SLC1A2: variants seen among roughly 807,000 people sequenced by gnomAD.
SLC1A2 encodes the protein excitatory amino acid transporter 2.
In SLC1A2, 15 loss-of-function variants were observed where a neutral mutation model predicts 48.8. The observed-to-expected ratio is 0.31, with a 90% confidence interval of 0.21 to 0.47. The LOEUF is 0.47. Ranked by LOEUF, SLC1A2 falls within the 20% of genes least tolerant of loss-of-function variation. The pLI is 0.99. For synonymous variants in SLC1A2, 279 were observed against 272.6 expected, an observed-to-expected ratio of 1.02 and a Z score of -0.23; for missense variants, 502 against 730.5, an observed-to-expected ratio of 0.69 and a Z score of 3.61.
intron 1 of SLC1A2, among the ~76,000 whole-genome samples, chr11:35,358,634 CTTTAT>C (rs1853566287): frequency 1.3e-5 from 2 of 152,230 alleles, no homozygotes; most frequent in South Asian, 2.1e-4. Flanking sequence ...CATTTGACTT[CTTTAT>C]TTTATTTTTT....
At chr11:35,401,364 C>T (rs531304962) in intron 1 of SLC1A2, among the ~76,000 whole-genome samples, 1 of 152,152 alleles carries the variant, frequency 6.6e-6, no homozygotes, top group Non-Finnish European at 1.5e-5. Flanking sequence ...GAGGGTAAAA[C>T]ACTTTGATTT....
intron 1 of SLC1A2, among the ~76,000 whole-genome samples, chr11:35,320,883 C>A (rs1852038149): frequency 6.6e-6 from 1 of 152,170 alleles, no homozygotes; most frequent in South Asian, 2.1e-4. Flanking sequence ...AGAACAAATG[C>A]ATGGATAAAT....
At chr11:35,270,102 G>C (rs1361525922) in intron 9 of SLC1A2, among the ~76,000 whole-genome samples, 1 of 152,168 alleles carries the variant, frequency 6.6e-6, no homozygotes, top group East Asian at 1.9e-4. Flanking sequence ...GCAAGACTCT[G>C]TCTCAAAAAT....
chr11:35,278,339 G>C (rs528545881), intron 9 of SLC1A2, among the ~76,000 whole-genome samples: 4 of 141,004 alleles, frequency 2.8e-5, no homozygotes, highest in Non-Finnish European at 4.5e-5. Flanking sequence ...GCAATGGCAC[G>C]ATCTCAGCTC....
chr11:35,317,231 C>T (rs1051414221), intron 2 of SLC1A2, 146 bp downstream of exon 2: 13 of 713,694 alleles, frequency 1.8e-5, no homozygotes, highest in African/African-American at 1.4e-4. Context: ...AAAATTATAT[C>T]ACTGAAGCCT....
intron 8 of SLC1A2, among the ~76,000 whole-genome samples, chr11:35,284,110 T>TATATATATATATAA (rs539270363): frequency 5.7e-5 from 8 of 141,196 alleles, no homozygotes; most frequent in African/African-American, 2.2e-4. Context: ...TATATATATA[T>TATATATATATATAA]AAATTATTAT....
intron 5 of SLC1A2, among the ~76,000 whole-genome samples, chr11:35,305,870 C>T (rs1439570036): frequency 1.3e-5 from 2 of 152,156 alleles, no homozygotes; most frequent in African/African-American, 2.4e-5. Flanking sequence ...TTCTTGCTGC[C>T]CTGTCCCCTT....
chr11:35,350,865 A>G (rs2135081933), intron 1 of SLC1A2, among the ~76,000 whole-genome samples: 1 of 152,314 alleles, frequency 6.6e-6, no homozygotes, highest in Admixed American at 6.5e-5. Context: ...AAATGGAAGG[A>G]GCCTTAAGAT....
At chr11:35,329,356 T>C (rs1421058909) in intron 1 of SLC1A2, among the ~76,000 whole-genome samples, 2 of 152,188 alleles carry the variant, frequency 1.3e-5, no homozygotes, top group Non-Finnish European at 2.9e-5. Flanking sequence ...TAATGTAAAC[T>C]AAGCACTCTG....
intron 1 of SLC1A2, among the ~76,000 whole-genome samples, chr11:35,396,577 G>C (rs1315493580): frequency 4.0e-5 from 6 of 151,364 alleles, no homozygotes; most frequent in Non-Finnish European, 5.9e-5. Flanking sequence ...CTGGATATTA[G>C]CCCTTTGTCA....
chr11:35,375,473 G>A (rs1037336562), intron 1 of SLC1A2, among the ~76,000 whole-genome samples: 7 of 152,230 alleles, frequency 4.6e-5, no homozygotes, highest in Admixed American at 1.3e-4. Flanking sequence ...GGCCATTTCT[G>A]AGTAGATCTC....
rs375313308 is a variant in SLC1A2 at position 35,400,491 on chromosome 11, CT to C, written c.17+18458del. On this transcript the variant is annotated intron_variant, in intron 1 of 10. Coordinates refer to ENST00000278379, the MANE Select transcript of SLC1A2 (RefSeq NM_004171.4). Reference sequence around the variant, plus strand: ...ATACCAATGTTAAAGGCATTTATTCCTGGTTAGTGAGATAAGTATTGTGGAG... The same window carrying C: ...ATACCAATGTTAAAGGCATTTATTCCGGTTAGTGAGATAAGTATTGTGGAG... 5.2e-3 allele frequency among the ~76,000 whole-genome samples: 796 copies of C among 152,192 alleles called. 4 individuals carry two copies. Among genetic ancestry groups the C allele is most frequent in the African/African-American group, 0.018 (757 of 41,528 alleles).
intron 1 of SLC1A2, among the ~76,000 whole-genome samples, chr11:35,403,492 G>A (rs1245134492): frequency 1.3e-5 from 2 of 152,242 alleles, no homozygotes; most frequent in Non-Finnish European, 2.9e-5. Context: ...GCACATGTGT[G>A]GCTGCCCTGT....
chr11:35,397,724 G>A (rs1006293559), intron 1 of SLC1A2, among the ~76,000 whole-genome samples: 1 of 152,058 alleles, frequency 6.6e-6, no homozygotes, highest in Non-Finnish European at 1.5e-5. Context: ...TTATAAAAGA[G>A]CCCCAAGAGA....
intron 8 of SLC1A2, among the ~76,000 whole-genome samples, chr11:35,282,413 G>A (rs1027395627): frequency 6.6e-6 from 1 of 152,178 alleles, no homozygotes; most frequent in African/African-American, 2.4e-5. Flanking sequence ...AAAGGAGATA[G>A]TAATGGTATC....
chr11:35,377,652 A>G (rs972222100), intron 1 of SLC1A2, among the ~76,000 whole-genome samples: 1 of 152,224 alleles, frequency 6.6e-6, no homozygotes, highest in African/African-American at 2.4e-5. Context: ...GCAAGATGAA[A>G]AAAAATCATC....
chr11:35,272,317 A>C (rs984339591), intron 9 of SLC1A2, among the ~76,000 whole-genome samples: 1 of 152,212 alleles, frequency 6.6e-6, no homozygotes, highest in Non-Finnish European at 1.5e-5. Flanking sequence ...CTAAGTGAGA[A>C]GGCAGGACGT....
intron 5 of SLC1A2, among the ~76,000 whole-genome samples, chr11:35,305,171 G>A (rs1851466265): frequency 6.6e-6 from 1 of 152,194 alleles, no homozygotes; most frequent in Admixed American, 6.5e-5. Context: ...CACTGAGTGG[G>A]AGGGGAGCAA....
intron 1 of SLC1A2, among the ~76,000 whole-genome samples, chr11:35,327,028 C>T (rs945320342): frequency 5.3e-5 from 8 of 152,206 alleles, no homozygotes; most frequent in African/African-American, 9.7e-5. Context: ...ACATAAATGA[C>T]GTAAACTTTG....
Sources: allele counts gnomAD v4.1 joint callset (sites outside exome capture counted in the v4.1 genomes callset), GRCh38; gene constraint gnomAD v4.1.1; transcripts MANE v1.5; gene names NCBI Gene and HGNC (gene_info 2026-07-23, HGNC 2026-07-21).